The following DPRX variants were observed in gnomAD, a reference collection of about 807,000 sequenced individuals.
DPRX encodes the protein divergent paired-related homeobox.
DPRX carries 11 observed loss-of-function variants against 8.4 expected under a neutral mutation model. That is an observed-to-expected ratio of 1.31 (90% confidence interval 0.82 to 2.17). The LOEUF is 2.17. Among genes scored for constraint, DPRX ranks in the 30% most tolerant of loss-of-function variants. DPRX has a pLI of 0.00. For synonymous variants in DPRX, 72 were observed against 87.0 expected (o/e 0.83, Z 0.96); for missense variants, 211 against 236.7 (o/e 0.89, Z 0.71).
At chr19:53,623,426 G>T in the DPRX span, among the ~76,000 whole-genome samples, 1 of 149,424 alleles carries the variant, frequency 6.7e-6, no homozygotes, top group East Asian at 2.0e-4. Context: ...ATCACCTGAG[G>T]TTGGGAGTTT....
the DPRX span, among the ~76,000 whole-genome samples, chr19:53,610,409 C>T: frequency 6.6e-6 from 1 of 152,178 alleles, no homozygotes; most frequent in Non-Finnish European, 1.5e-5. Flanking sequence ...TCATTACCTA[C>T]TCCATTCATG....
At chr19:53,631,456 C>G (rs746009853), upstream of DPRX, among the ~76,000 whole-genome samples, 1 of 152,066 alleles carries the variant, frequency 6.6e-6, no homozygotes, top group East Asian at 1.9e-4. Flanking sequence ...AATCACATTC[C>G]CGGTCCCCAT....
the DPRX span, among the ~76,000 whole-genome samples, chr19:53,620,824 C>T: frequency 1.5e-3 from 231 of 152,252 alleles, no homozygotes; most frequent in African/African-American, 5.5e-3. Context: ...GAATTCCTGA[C>T]CTCAGGTGAT....
the DPRX span, among the ~76,000 whole-genome samples, chr19:53,624,079 CTTT>C: frequency 3.2e-4 from 30 of 93,274 alleles, no homozygotes; most frequent in African/African-American, 1.2e-3. Context: ...ATTGTTGTAC[CTTT>C]TTTTTTTTTT....
the DPRX span, among the ~76,000 whole-genome samples, chr19:53,608,953 C>CAAAAAAAAAAA: frequency 2.6e-5 from 2 of 76,928 alleles, no homozygotes; most frequent in Non-Finnish European, 4.7e-5. Flanking sequence ...GAGACTCCGT[C>CAAAAAAAAAAA]AAAAAAAAAA....
chr19:53,602,239 T>C, the DPRX span: 1 of 415,206 alleles, frequency 2.4e-6, no homozygotes, highest in South Asian at 1.8e-5. Flanking sequence ...GGCCACATCC[T>C]ATCCCCCAAA....
chr19:53,626,211 T>G, the DPRX span, among the ~76,000 whole-genome samples: 1 of 152,108 alleles, frequency 6.6e-6, no homozygotes, highest in East Asian at 1.9e-4. Flanking sequence ...ATGCTGGGAA[T>G]ACAGACGTGA....
At chr19:53,625,226 T>A in the DPRX span, among the ~76,000 whole-genome samples, 21 of 151,654 alleles carry the variant, frequency 1.4e-4, no homozygotes, top group African/African-American at 4.6e-4. Context: ...AATTGAAAAA[T>A]TTTTTTTGTA....
the DPRX span, among the ~76,000 whole-genome samples, chr19:53,613,673 G>A: frequency 3.3e-5 from 5 of 151,088 alleles, no homozygotes. Context: ...TGTGAGATCT[G>A]ATAAGAAGTC....
the DPRX span, among the ~76,000 whole-genome samples, chr19:53,601,628 C>T: frequency 2.6e-5 from 4 of 151,814 alleles, no homozygotes; most frequent in Non-Finnish European, 4.4e-5. Flanking sequence ...ATTACCGGCA[C>T]ACACCACCAT....
At chr19:53,620,310 C>T in the DPRX span, among the ~76,000 whole-genome samples, 1 of 151,790 alleles carries the variant, frequency 6.6e-6, no homozygotes, top group African/African-American at 2.4e-5. Context: ...ACCTCATGAT[C>T]CGCCCACCTT....
At chr19:53,613,240 C>A in the DPRX span, among the ~76,000 whole-genome samples, 2 of 152,030 alleles carry the variant, frequency 1.3e-5, no homozygotes, top group African/African-American at 4.8e-5. Flanking sequence ...GCTTTCAAAG[C>A]GCCTGTCAAA....
the DPRX span, among the ~76,000 whole-genome samples, chr19:53,619,446 G>A: frequency 2.0e-5 from 3 of 152,076 alleles, no homozygotes; most frequent in Non-Finnish European, 4.4e-5. Flanking sequence ...AGGCCGAGAC[G>A]GGCGGATCAC....
At chr19:53,632,053 C>T (rs778267295), upstream of DPRX, 1 of 1,612,300 alleles carries the variant, frequency 6.2e-7, no homozygotes, top group Non-Finnish European at 8.5e-7. Flanking sequence ...CGGATTTGAT[C>T]TTTGCTAGTT....
chr19:53,630,095 C>G (rs1208265286), upstream of DPRX: 1 of 152,028 alleles, frequency 6.6e-6, no homozygotes, highest in African/African-American at 2.4e-5. Flanking sequence ...TGCCTATAAT[C>G]CCAGCTATTT....
chr19:53,633,085 C>G (rs568297426), intron 1 of DPRX, among the ~76,000 whole-genome samples: 2 of 152,184 alleles, frequency 1.3e-5, no homozygotes, highest in South Asian at 2.1e-4. Context: ...CGCTTCAGCC[C>G]AGGAGTTCAA....
upstream of DPRX, among the ~76,000 whole-genome samples, chr19:53,630,649 G>C (rs1442139541): frequency 6.8e-6 from 1 of 146,968 alleles, no homozygotes; most frequent in Non-Finnish European, 1.5e-5. Flanking sequence ...GTCTCAAAAA[G>C]AAAAAAAAAA....
At chr19:53,605,040 G>A in the DPRX span, among the ~76,000 whole-genome samples, 6 of 152,088 alleles carry the variant, frequency 3.9e-5, no homozygotes, top group Admixed American at 6.6e-5. Flanking sequence ...GTGGCCAGGT[G>A]CAGGGGCTCA....
At chr19:53,617,179 C>A in the DPRX span, 1 of 1,019,522 alleles carries the variant, frequency 9.8e-7, no homozygotes, top group South Asian at 1.3e-5. Flanking sequence ...TCGTTGGATT[C>A]GTCTGTGTCC....
Sources: allele counts gnomAD v4.1 joint callset (sites outside exome capture counted in the v4.1 genomes callset), GRCh38; gene constraint gnomAD v4.1.1; transcripts MANE v1.5; gene names NCBI Gene and HGNC (gene_info 2026-07-23, HGNC 2026-07-21).